Variants in LDB2 observed in about 807,000 individuals in gnomAD.
LDB2 encodes LIM domain binding 2, also known as LIM domain-binding protein 2.
Under a neutral mutation model 44.3 loss-of-function variants are expected in LDB2, and 12 were observed. The observed-to-expected ratio is 0.27, with a 90% CI of 0.17 to 0.44. The LOEUF (loss-of-function observed/expected upper bound fraction) is 0.44. Ranked by LOEUF, LDB2 falls within the 20% of genes least tolerant of loss-of-function variation. The pLI, the probability that LDB2 is intolerant of heterozygous loss-of-function variation, is 1.00. For missense variants in LDB2, 344 were observed against 473.5 expected, an observed-to-expected ratio of 0.73 and a Z score of 2.54; for synonymous variants, 164 against 174.8, an observed-to-expected ratio of 0.94 and a Z score of 0.49.
intron 5 of LDB2, among the ~76,000 whole-genome samples, chr4:16,552,538 A>G (rs1738047651): frequency 1.3e-5 from 2 of 152,156 alleles, no homozygotes; most frequent in South Asian, 2.1e-4. Flanking sequence ...ACTCCCTCAG[A>G]GATAGTTCTA....
At chr4:16,649,509 G>C (rs553756932) in intron 2 of LDB2, among the ~76,000 whole-genome samples, 1 of 152,264 alleles carries the variant, frequency 6.6e-6, no homozygotes, top group South Asian at 2.1e-4. Flanking sequence ...GATTAAGTTA[G>C]TACACAGAGG....
chr4:16,653,203 C>T (rs974983730), intron 2 of LDB2, among the ~76,000 whole-genome samples: 2 of 152,170 alleles, frequency 1.3e-5, no homozygotes, highest in Non-Finnish European at 2.9e-5. Context: ...GTCGCATCAG[C>T]TGCTGTCTCA....
chr4:16,621,790 C>T (rs1167593592), intron 2 of LDB2, among the ~76,000 whole-genome samples: 1 of 152,082 alleles, frequency 6.6e-6, no homozygotes, highest in African/African-American at 2.4e-5. Flanking sequence ...AACTCTAGGC[C>T]TCAAGCAATC....
chr4:16,770,439 T>G (rs796302370), intron 1 of LDB2, among the ~76,000 whole-genome samples: 7 of 152,334 alleles, frequency 4.6e-5, no homozygotes, highest in African/African-American at 1.7e-4. Flanking sequence ...ACAGGGGCTT[T>G]GATTCTTTGA....
At chr4:16,895,540 G>A (rs1309284229) in intron 1 of LDB2, among the ~76,000 whole-genome samples, 1 of 149,036 alleles carries the variant, frequency 6.7e-6, no homozygotes, top group African/African-American at 2.4e-5. Flanking sequence ...CCAGTGGGGT[G>A]TGTTTGTGTG....
intron 3 of LDB2, among the ~76,000 whole-genome samples, chr4:16,592,497 T>TACAC (rs1560572877): frequency 5.1e-5 from 7 of 136,836 alleles, no homozygotes; most frequent in South Asian, 2.3e-4. Flanking sequence ...TATATATATA[T>TACAC]ATATATATAC....
intron 2 of LDB2, among the ~76,000 whole-genome samples, chr4:16,608,859 C>T (rs1413783978): frequency 2.0e-5 from 3 of 152,186 alleles, no homozygotes; most frequent in Non-Finnish European, 4.4e-5. Context: ...AGGAGCAGGG[C>T]TGCTCCATTG....
At chr4:16,652,158 G>A (rs938462577) in intron 2 of LDB2, among the ~76,000 whole-genome samples, 1 of 152,032 alleles carries the variant, frequency 6.6e-6, no homozygotes, top group African/African-American at 2.4e-5. Flanking sequence ...TGTTGCCCAG[G>A]CTGGTCTTGA....
chr4:16,837,732 C>T (rs1418659718), intron 1 of LDB2, among the ~76,000 whole-genome samples: 2 of 152,242 alleles, frequency 1.3e-5, no homozygotes, highest in Non-Finnish European at 2.9e-5. Context: ...GAGACTGAGA[C>T]TGAGACTGAC....
At chr4:16,841,917 G>A (rs369319735) in intron 1 of LDB2, among the ~76,000 whole-genome samples, 6 of 152,054 alleles carry the variant, frequency 3.9e-5, no homozygotes, top group African/African-American at 1.2e-4. Context: ...CTAACACACC[G>A]TAAACTCTTA....
intron 1 of LDB2, among the ~76,000 whole-genome samples, chr4:16,787,686 G>A (rs200847255): frequency 2.6e-5 from 4 of 152,058 alleles, no homozygotes; most frequent in African/African-American, 7.2e-5. Context: ...GCATATTAGG[G>A]GGCAAAACTT....
chr4:16,551,919 A>AT (rs765763354), intron 5 of LDB2, among the ~76,000 whole-genome samples: 3 of 152,180 alleles, frequency 2.0e-5, no homozygotes, highest in Non-Finnish European at 4.4e-5. Flanking sequence ...TGGTATGCAA[A>AT]TATCCTCTCT....
intron 1 of LDB2, among the ~76,000 whole-genome samples, chr4:16,881,885 C>T (rs1720233242): frequency 6.6e-6 from 1 of 150,612 alleles, no homozygotes; most frequent in East Asian, 1.9e-4. Context: ...CTTCACCTCC[C>T]TGTTTTGAGA....
chr4:16,672,767 A>AGG (rs1745153197), intron 2 of LDB2, among the ~76,000 whole-genome samples: 1 of 152,096 alleles, frequency 6.6e-6, no homozygotes, highest in Admixed American at 6.5e-5. Flanking sequence ...CCCTGCAGTA[A>AGG]CACTGAGAGA....
Position 16,876,887 on chromosome 4 carries a change from A to G in LDB2, c.132+21467T>C, listed in dbSNP as rs1057398269. Among the ~76,000 whole-genome samples the G allele has an allele frequency of 2.6e-5, 4 of 151,462 alleles. No individual in the cohort carries two copies. The East Asian group carries it at 5.9e-4, about 22-fold the overall frequency. On this transcript the variant is annotated intron_variant, in intron 1 of 7. Transcript: ENST00000304523. ...CCATTGATTCAGTGAAAATTTCCCA[A>G]TGTGGAATTTGTATAGTGCTTTTTT...
intron 2 of LDB2, among the ~76,000 whole-genome samples, chr4:16,739,682 A>G (rs1423042681): frequency 1.1e-5 from 1 of 87,428 alleles, no homozygotes; most frequent in Non-Finnish European, 2.2e-5. Context: ...ATATGTGTGT[A>G]TATATGTATA....
intron 6 of LDB2, among the ~76,000 whole-genome samples, chr4:16,509,689 T>A (rs1720947533): frequency 6.6e-6 from 1 of 152,332 alleles, no homozygotes; most frequent in Admixed American, 6.5e-5. Flanking sequence ...TCCTGCCAGT[T>A]ACTGAATAAG....
intron 2 of LDB2, among the ~76,000 whole-genome samples, chr4:16,640,171 A>G (rs1229818675): frequency 6.6e-6 from 1 of 152,250 alleles, no homozygotes; most frequent in African/African-American, 2.4e-5. Context: ...TTAGTGACTT[A>G]TAACCCTTCT....
chr4:16,733,205 T>C (rs147921031), intron 2 of LDB2, among the ~76,000 whole-genome samples: 43 of 152,260 alleles, frequency 2.8e-4, no homozygotes, highest in Non-Finnish European at 4.9e-4. Context: ...CCTCTAATTA[T>C]AATGCAAGAT....
Sources: gnomAD v4.1 joint callset for allele counts (sites outside exome capture counted in the v4.1 genomes callset) on GRCh38, gnomAD v4.1.1 for gene constraint, MANE v1.5 for transcripts, NCBI Gene and HGNC (gene_info 2026-07-23, HGNC 2026-07-21) for gene names.